The following MAP4 variants were observed in gnomAD, a reference collection of about 807,000 sequenced individuals.
MAP4 encodes the protein microtubule associated protein 4, also known as microtubule-associated protein 4.
MAP4 carries 76 observed loss-of-function variants against 170.2 expected under a neutral mutation model. The observed-to-expected ratio is 0.45, with a 90% CI of 0.37 to 0.54. The LOEUF is 0.54. MAP4 is among the 20% of genes least tolerant of loss of function. The pLI, the probability that MAP4 is intolerant of heterozygous loss-of-function variation, is 0.00. For missense variants in MAP4, 2,506 were observed against 2,748.0 expected (o/e 0.91, Z 1.97); for synonymous variants, 909 against 994.5 (o/e 0.91, Z 1.62).
At chr3:47,891,391 GTAGC>G (rs1440123759) in intron 10 of MAP4, 7 of 1,535,990 alleles carry the variant, frequency 4.6e-6, no homozygotes, top group Non-Finnish European at 6.1e-6. Flanking sequence ...GGCTCAATTT[GTAGC>G]TAGCTGTCTG....
intron 10 of MAP4, among the ~76,000 whole-genome samples, chr3:47,882,347 T>C (rs1389356028): frequency 1.3e-5 from 2 of 152,158 alleles, no homozygotes; most frequent in Non-Finnish European, 2.9e-5. Flanking sequence ...AGTCTGATAT[T>C]TTATTTTTTA....
At chr3:47,906,084 C>CAA (rs536980998) in intron 9 of MAP4, among the ~76,000 whole-genome samples, 2,674 of 129,316 alleles carry the variant, frequency 0.021, 87 homozygotes, top group African/African-American at 0.067. Flanking sequence ...TACACATAAC[C>CAA]AAAAAAAAAA....
At chr3:48,052,379 C>A (rs773786228) in intron 1 of MAP4, among the ~76,000 whole-genome samples, 1 of 152,144 alleles carries the variant, frequency 6.6e-6, no homozygotes, top group African/African-American at 2.4e-5. Context: ...CACTATCACA[C>A]CCAGCTAACT....
intron 9 of MAP4, among the ~76,000 whole-genome samples, chr3:47,907,962 C>A (rs1471673755): frequency 6.6e-6 from 1 of 152,076 alleles, no homozygotes; most frequent in Non-Finnish European, 1.5e-5. Flanking sequence ...CAAGCTTTAC[C>A]CAAAAGAACA....
At chr3:47,923,868 A>G (rs533135832) in intron 4 of MAP4, among the ~76,000 whole-genome samples, 1 of 152,240 alleles carries the variant, frequency 6.6e-6, no homozygotes, top group East Asian at 1.9e-4. Context: ...AGATGGGGAG[A>G]TAGAATATGA....
intron 1 of MAP4, among the ~76,000 whole-genome samples, chr3:48,061,518 C>T (rs2154558405): frequency 6.6e-6 from 1 of 152,334 alleles, no homozygotes; most frequent in East Asian, 1.9e-4. Context: ...GGCTGGAGTG[C>T]AGTGGCGTGA....
Position 47,914,934 on chromosome 3 carries a change from C to T in MAP4, c.1882G>A (p.Val628Ile), listed in dbSNP as rs1137524. 515,628 of 1,613,292 alleles carry T rather than the reference C, an allele frequency of 0.32. 85,574 individuals carry two copies. Among genetic ancestry groups the T allele is most frequent in the African/African-American group, 0.52 (39,286 of 74,842 alleles). ...APTFMISPETVTGTGKKCSLP... is the reference protein window; with the variant it reads ...APTFMISPETITGTGKKCSLP... ...CTGCACTTTTTCCCCGTTCCTGTGA[C>T]GGTTTCTAAAGGTAATAACAAAAGC... Residue 628 changes from valine to isoleucine, a missense_variant, in exon 8 of 21, where the codon GTC becomes ATC. This residue lies in a region of MAP4 where 2,008 missense variants were observed against 2,206.0 expected (regional missense o/e 0.91). Coordinates refer to ENST00000683076, the MANE Select transcript of MAP4 (RefSeq NM_001385682.1).
chr3:47,971,745 A>G (rs1337256792), intron 3 of MAP4, among the ~76,000 whole-genome samples: 2 of 152,226 alleles, frequency 1.3e-5, no homozygotes, highest in Admixed American at 6.5e-5. Flanking sequence ...ATTGAGGATA[A>G]TACAGTATTA....
At chr3:47,866,344 A>G (rs1208624788) in intron 17 of MAP4, among the ~76,000 whole-genome samples, 1 of 150,420 alleles carries the variant, frequency 6.6e-6, no homozygotes, top group East Asian at 2.0e-4. Context: ...TCAAAACAAA[A>G]ACAAAACAAA....
intron 3 of MAP4, among the ~76,000 whole-genome samples, chr3:47,957,823 C>A (rs57941550): frequency 6.6e-6 from 1 of 152,092 alleles, no homozygotes; most frequent in African/African-American, 2.4e-5. Flanking sequence ...ATCAGAGACA[C>A]CTTACATGGT....
rs116546743 is a variant in MAP4, at chr3:47,903,736, T to C, written c.5384-736A>G. ...AGAGACTTTGGCAATATATTCACTTTCCCTACTTCTAAACAGGGTAAGATC... is the reference window on the plus strand; with the variant it reads ...AGAGACTTTGGCAATATATTCACTTCCCCTACTTCTAAACAGGGTAAGATC... On this transcript the variant is annotated intron_variant, in intron 9 of 20. Coordinates refer to ENST00000683076, the MANE Select transcript of MAP4 (RefSeq NM_001385682.1). Among the ~76,000 whole-genome samples the C allele has an allele frequency of 2.3e-3, 346 of 152,306 alleles. 1 individual carries two copies. The highest frequency in any genetic ancestry group is 7.8e-3 in the African/African-American group (326 of 41,550).
chr3:47,938,886 G>A (rs1054989839), intron 3 of MAP4, among the ~76,000 whole-genome samples: 1 of 152,188 alleles, frequency 6.6e-6, no homozygotes, highest in African/African-American at 2.4e-5. Context: ...TTATAAAGAC[G>A]ATGTGTTTAG....
At chr3:47,892,663 A>T in intron 10 of MAP4, 1 of 1,368,080 alleles carries the variant, frequency 7.3e-7, no homozygotes, top group Middle Eastern at 2.7e-4. Flanking sequence ...GCACTTACAA[A>T]TGTGAAAGAA....
chr3:48,088,455 G>C (rs985280091), intron 1 of MAP4, among the ~76,000 whole-genome samples: 1 of 151,846 alleles, frequency 6.6e-6, no homozygotes, highest in Non-Finnish European at 1.5e-5. Context: ...CTCGCTCCGC[G>C]GCTCAGCCCC....
chr3:47,911,559 T>C lies in MAP4; in HGVS notation c.2862A>G (p.Gln954=). The C allele has an allele frequency of 6.5e-7, 1 of 1,536,116 alleles. No individual in the cohort carries two copies. The highest frequency in any genetic ancestry group is 8.7e-7 in the Non-Finnish European group (1 of 1,146,900). ...GTTTTGAAACTACACCCATAACCTC[T>C]TGGTCCAAGAAAGGAGAGCAACCCT... ...LKEGCSPFLD[Q]EVMGVVSKPT... is the part of the protein sequence containing the mutation. The change falls in exon 9 of 21, where the codon CAA becomes CAG. Residue 954 remains glutamine, a synonymous_variant. Coordinates refer to ENST00000683076, the MANE Select transcript of MAP4 (RefSeq NM_001385682.1). The surrounding 1 kb of genome is among the most constrained non-coding windows in gnomAD (Gnocchi z 4.0).
intron 3 of MAP4, among the ~76,000 whole-genome samples, chr3:47,936,292 G>A (rs957538499): frequency 2.0e-5 from 3 of 151,746 alleles, no homozygotes; most frequent in Non-Finnish European, 4.4e-5. Context: ...AAAATTAGCC[G>A]GGTGTGGTGG....
chr3:48,009,381 G>A (rs1416529378), intron 1 of MAP4, among the ~76,000 whole-genome samples: 1 of 152,154 alleles, frequency 6.6e-6, no homozygotes, highest in African/African-American at 2.4e-5. Context: ...GATTACAGGC[G>A]TGAGCCACCG....
chr3:47,983,449 C>T (rs2100086603), intron 2 of MAP4, among the ~76,000 whole-genome samples: 1 of 152,070 alleles, frequency 6.6e-6, no homozygotes, highest in Admixed American at 6.5e-5. Context: ...TGCAGTGGCA[C>T]AATCTCAGCT....
chr3:47,998,565 C>T (rs2100097312), intron 2 of MAP4, 73 bp downstream of exon 2: 7 of 1,220,334 alleles, frequency 5.7e-6, no homozygotes. Flanking sequence ...TCTCAGTTTC[C>T]AAGATTATAC....
Sources: gnomAD v4.1 joint callset for allele counts (sites outside exome capture counted in the v4.1 genomes callset) on GRCh38, gnomAD v4.1.1 for gene constraint, gnomAD v4.1.1 regional missense constraint, Gnocchi (gnomAD v3.1) non-coding constraint, MANE v1.5 for transcripts, NCBI Gene and HGNC (gene_info 2026-07-23, HGNC 2026-07-21) for gene names.